Variants in SPATA17 observed in about 807,000 individuals in gnomAD.
SPATA17 encodes spermatogenesis associated 17, also known as spermatogenesis-associated protein 17.
A neutral mutation model predicts 62.2 loss-of-function variants in SPATA17; 53 were observed. That is an observed-to-expected ratio of 0.85 (90% CI 0.68 to 1.07). The LOEUF is 1.07. Among genes scored for constraint, SPATA17 ranks in the 50% least tolerant of loss-of-function variants. The probability of loss-of-function intolerance (pLI) is 0.00; values close to 1 mark genes in which losing one functional copy is unlikely to be tolerated. For missense variants in SPATA17, 466 were observed against 425.5 expected, an observed-to-expected ratio of 1.10 and a Z score of -0.84; for synonymous variants, 146 against 146.8, an observed-to-expected ratio of 0.99 and a Z score of 0.04.
chr1:217,667,630 T>A lies in SPATA17; in HGVS notation c.241-1403T>A, dbSNP rs116752362. Among the ~76,000 whole-genome samples the A allele has an allele frequency of 4.4e-3, 669 of 152,270 alleles. 4 individuals are homozygous for A. The highest frequency in any genetic ancestry group is 6.0e-3 in the Non-Finnish European group (410 of 68,012). ...GTCTGTGACTCAAAAGCTCACACAT[T>A]CACTCTACTGTTAACTAAACAATGA... On this transcript the variant is annotated intron_variant, in intron 3 of 10. Coordinates refer to ENST00000366933, the MANE Select transcript of SPATA17 (RefSeq NM_138796.4).
chr1:217,755,139 G>A (rs1673007122), intron 6 of SPATA17, among the ~76,000 whole-genome samples: 1 of 151,816 alleles, frequency 6.6e-6, no homozygotes, highest in Admixed American at 6.6e-5. Context: ...CAAAAAAAGA[G>A]GAATTCCAAT....
At chr1:217,832,038 A>G (rs1510259) in intron 9 of SPATA17, among the ~76,000 whole-genome samples, 152,040 of 152,244 alleles carry the variant, frequency 1, 75,920 homozygotes, top group East Asian at 1. Flanking sequence ...TTATCTTTGT[A>G]ATTTTTGAGG....
chr1:217,784,034 CTAAG>C (rs1000913214), intron 8 of SPATA17, among the ~76,000 whole-genome samples: 1 of 151,786 alleles, frequency 6.6e-6, no homozygotes, highest in African/African-American at 2.4e-5. Flanking sequence ...TGCAACTAGG[CTAAG>C]TAATTGGTCT....
In SPATA17 at chr1:217,793,223, T is replaced by G. The variant is rs964862579; in HGVS notation, c.873-8495T>G. Among the ~76,000 whole-genome samples the G allele has an allele frequency of 7.6e-5, 11 of 144,112 alleles. 1 individual carries two copies. The highest frequency in any genetic ancestry group is 2.8e-4 in the African/African-American group (11 of 38,904). The allele number at this position is 144,112 out of a possible 152,430, so 94.5% of individuals were successfully genotyped here. Reference sequence around the variant, plus strand: ...TTAATGTTAGGGCAGTGGTTTTTGTTTTTTTTTTTTTTTTTGAGACGGAGT... The same window carrying G: ...TTAATGTTAGGGCAGTGGTTTTTGTGTTTTTTTTTTTTTTTGAGACGGAGT... On this transcript the variant is annotated intron_variant, in intron 8 of 10. Transcript: ENST00000366933.
At chr1:217,776,411 T>C (rs1444929452) in intron 7 of SPATA17, among the ~76,000 whole-genome samples, 1 of 152,186 alleles carries the variant, frequency 6.6e-6, no homozygotes, top group African/African-American at 2.4e-5. Context: ...TATTGCTGTA[T>C]AATAAATTAC....
At chr1:217,634,896 TTTTGTTGTTGTTGTTG>T (rs1369079422) in intron 1 of SPATA17, among the ~76,000 whole-genome samples, 1 of 106,508 alleles carries the variant, frequency 9.4e-6, no homozygotes, top group Non-Finnish European at 2.1e-5. Flanking sequence ...GTATTGGCCT[TTTTGTTGTTGTTGTTG>T]TTGTTGTTGT....
intron 3 of SPATA17, among the ~76,000 whole-genome samples, chr1:217,655,161 C>G (rs1198314047): frequency 6.6e-6 from 1 of 152,130 alleles, no homozygotes; most frequent in Non-Finnish European, 1.5e-5. Context: ...TAGGATTTCA[C>G]TTTGTAGTTA....
At chr1:217,687,452 T>C (rs1006265795) in intron 5 of SPATA17, among the ~76,000 whole-genome samples, 5 of 152,198 alleles carry the variant, frequency 3.3e-5, no homozygotes, top group African/African-American at 1.2e-4. Flanking sequence ...TACCACATAA[T>C]GATGTTTTGG....
At chr1:217,671,807 GA>G (rs1670837237) in intron 4 of SPATA17, among the ~76,000 whole-genome samples, 1 of 152,202 alleles carries the variant, frequency 6.6e-6, no homozygotes, top group African/African-American at 2.4e-5. Context: ...AGGCTATGTG[GA>G]GCACATAAAT....
Position 217,782,533 on chromosome 1 carries a change from C to CA in SPATA17, c.872+219dup, listed in dbSNP as rs908753406. ...AAAACTCTTTTGACAACTCAAAAGA[C>CA]AAAAAAAAGATCGGCATTTTGAGGA... On this transcript the variant is annotated intron_variant, in intron 8 of 10. Transcript: ENST00000366933. Among the ~76,000 whole-genome samples, 12 of 151,166 alleles carry CA rather than the reference C, an allele frequency of 7.9e-5. No homozygotes were observed. In the South Asian group the frequency reaches 1.5e-3, roughly 19 times the overall value.
At chr1:217,825,728 C>T (rs748847462) in intron 9 of SPATA17, among the ~76,000 whole-genome samples, 1 of 152,078 alleles carries the variant, frequency 6.6e-6, no homozygotes, top group South Asian at 2.1e-4. Context: ...TAGTCTACAG[C>T]AGGGATATAG....
chr1:217,718,731 A>G (rs183157135), intron 5 of SPATA17, among the ~76,000 whole-genome samples: 1 of 152,176 alleles, frequency 6.6e-6, no homozygotes, highest in African/African-American at 2.4e-5. Flanking sequence ...ACAATCAGTC[A>G]ATCTTATTAT....
chr1:217,700,351 TG>T (rs1486675032), intron 5 of SPATA17, among the ~76,000 whole-genome samples: 1 of 152,188 alleles, frequency 6.6e-6, no homozygotes, highest in East Asian at 1.9e-4. Flanking sequence ...TAGGTTTTCA[TG>T]GTTAGGCTTT....
intron 7 of SPATA17, among the ~76,000 whole-genome samples, chr1:217,779,024 G>T (rs1459227946): frequency 1.3e-5 from 2 of 151,824 alleles, no homozygotes; most frequent in Non-Finnish European, 2.9e-5. Flanking sequence ...ATAATGTATG[G>T]ATGATGTATA....
At chr1:217,777,137 T>C (rs533392165) in intron 7 of SPATA17, among the ~76,000 whole-genome samples, 34 of 152,176 alleles carry the variant, frequency 2.2e-4, no homozygotes, top group Admixed American at 5.2e-4. Context: ...TTCTATTTCA[T>C]TAAAAATCTC....
intron 1 of SPATA17, among the ~76,000 whole-genome samples, chr1:217,644,675 C>G (rs1670140977): frequency 6.6e-6 from 1 of 151,570 alleles, no homozygotes; most frequent in Admixed American, 6.6e-5. Flanking sequence ...TCATTTCTGG[C>G]CACTAATGAT....
At chr1:217,838,725 G>T (rs1016795710) in intron 9 of SPATA17, among the ~76,000 whole-genome samples, 1 of 152,000 alleles carries the variant, frequency 6.6e-6, no homozygotes, top group Non-Finnish European at 1.5e-5. Context: ...ATAAATTTAT[G>T]TTGTGAAAAA....
chr1:217,824,800 A>G (rs1401075054), intron 9 of SPATA17, among the ~76,000 whole-genome samples: 1 of 151,030 alleles, frequency 6.6e-6, no homozygotes, highest in East Asian at 2.0e-4. Context: ...CTTTTAGGTT[A>G]ATAATATATG....
intron 9 of SPATA17, among the ~76,000 whole-genome samples, chr1:217,833,061 T>G (rs1280824655): frequency 6.6e-6 from 1 of 152,216 alleles, no homozygotes; most frequent in Non-Finnish European, 1.5e-5. Context: ...ACTGCCTGTT[T>G]TTTCAATATA....
Sources: gnomAD v4.1 joint callset for allele counts (sites outside exome capture counted in the v4.1 genomes callset) on GRCh38, gnomAD v4.1.1 for gene constraint, MANE v1.5 for transcripts, NCBI Gene and HGNC (gene_info 2026-07-23, HGNC 2026-07-21) for gene names.